The following UBE2R2 variants were observed in gnomAD, a reference collection of about 807,000 sequenced individuals.
UBE2R2 encodes the protein ubiquitin-conjugating enzyme E2 R2.
UBE2R2 carries 1 observed loss-of-function variant against 27.8 expected under a neutral mutation model. The observed-to-expected ratio is 0.04, with a 90% CI of 0.01 to 0.17. UBE2R2 has a LOEUF of 0.17. Ranked by LOEUF, UBE2R2 falls within the 10% of genes least tolerant of loss-of-function variation. UBE2R2 has a pLI of 1.00. For synonymous variants in UBE2R2, 106 were observed against 113.3 expected, an observed-to-expected ratio of 0.94 and a Z score of 0.41; for missense variants, 100 against 291.0, an observed-to-expected ratio of 0.34 and a Z score of 4.78.
intron 1 of UBE2R2, among the ~76,000 whole-genome samples, chr9:33,883,485 G>A (rs974280153): frequency 6.6e-6 from 1 of 152,114 alleles, no homozygotes; most frequent in Non-Finnish European, 1.5e-5. Flanking sequence ...GGAGGCCGAG[G>A]CAGGCAGATC....
intron 2 of UBE2R2, among the ~76,000 whole-genome samples, chr9:33,897,406 C>T (rs1007460922): frequency 6.7e-6 from 1 of 148,960 alleles, no homozygotes; most frequent in Non-Finnish European, 1.5e-5. Context: ...CAACCTCCGC[C>T]TCCCGGGTTC....
intron 2 of UBE2R2, among the ~76,000 whole-genome samples, chr9:33,891,540 G>T (rs4878551): frequency 6.6e-6 from 1 of 152,028 alleles, no homozygotes; most frequent in African/African-American, 2.4e-5. Flanking sequence ...CCAGTTGCTT[G>T]GGAGGCTGAG....
intron 1 of UBE2R2, among the ~76,000 whole-genome samples, chr9:33,836,920 G>A (rs935177082): frequency 6.6e-6 from 1 of 152,042 alleles, no homozygotes; most frequent in African/African-American, 2.4e-5. Context: ...TACTGTATTG[G>A]GTTCTTAGTT....
upstream of UBE2R2, among the ~76,000 whole-genome samples, chr9:33,815,482 C>T (rs112496873): frequency 3.9e-5 from 6 of 152,344 alleles, no homozygotes; most frequent in South Asian, 2.1e-4. Flanking sequence ...CAGTGGCTCA[C>T]GCCAGTAATC....
chr9:33,855,152 C>G (rs1280896240), intron 1 of UBE2R2, among the ~76,000 whole-genome samples: 1 of 152,092 alleles, frequency 6.6e-6, no homozygotes, highest in African/African-American at 2.4e-5. Flanking sequence ...GTTGTATCTT[C>G]TTGTTTTATT....
In UBE2R2 at chr9:33,912,208, C is replaced by G. The variant is rs909958338; in HGVS notation, c.497+110C>G. On this transcript the variant is annotated intron_variant, in intron 4 of 4. Coordinates refer to ENST00000263228, the MANE Select transcript of UBE2R2 (RefSeq NM_017811.4). Reference sequence around the variant, plus strand: ...CTGTCCATTCCAGGATAATTTTCCTCTATTAGATTTATAGTGTGGGAAGAG... The same window carrying G: ...CTGTCCATTCCAGGATAATTTTCCTGTATTAGATTTATAGTGTGGGAAGAG... 5 of 1,007,094 alleles carry G rather than the reference C, an allele frequency of 5.0e-6. No individual in the cohort carries two copies. In the Admixed American group the frequency reaches 8.2e-5, roughly 17 times the overall value. 62.4% of individuals were successfully genotyped at this position (1,007,094 alleles called of 1,614,324 possible). A position where few individuals can be genotyped will look rare whatever the true frequency, so the allele number is the denominator to read the frequency against.
intron 1 of UBE2R2, among the ~76,000 whole-genome samples, chr9:33,820,444 C>T (rs1475058588): frequency 6.6e-6 from 1 of 152,064 alleles, no homozygotes; most frequent in East Asian, 1.9e-4. Flanking sequence ...CTACTTTTTC[C>T]CTTATATGGC....
intron 1 of UBE2R2, among the ~76,000 whole-genome samples, chr9:33,831,512 G>A (rs897739487): frequency 5.9e-5 from 9 of 152,136 alleles, no homozygotes; most frequent in African/African-American, 2.2e-4. Flanking sequence ...CACCTCCCAA[G>A]TTCAAGCTGT....
intron 1 of UBE2R2, among the ~76,000 whole-genome samples, chr9:33,882,083 G>A (rs751260620): frequency 2.6e-5 from 4 of 152,030 alleles, no homozygotes; most frequent in South Asian, 2.1e-4. Flanking sequence ...TTGTAGCTTC[G>A]ATTATTCTAG....
intron 2 of UBE2R2, among the ~76,000 whole-genome samples, chr9:33,897,826 A>C: frequency 7.5e-6 from 1 of 133,892 alleles, no homozygotes; most frequent in African/African-American, 2.9e-5. Flanking sequence ...CCCAAGCTGG[A>C]GTGCAATGGC....
chr9:33,898,635 A>C (rs1008722827), intron 2 of UBE2R2, among the ~76,000 whole-genome samples: 1 of 152,186 alleles, frequency 6.6e-6, no homozygotes, highest in African/African-American at 2.4e-5. Context: ...CACACCCTAG[A>C]GTCCCAGCTA....
chr9:33,859,799 T>TGAGAGAGAGAGAGAGAGA (rs376101396), intron 1 of UBE2R2, among the ~76,000 whole-genome samples: 4 of 86,520 alleles, frequency 4.6e-5, no homozygotes, highest in African/African-American at 1.8e-4. Context: ...TGTGTGTGTG[T>TGAGAGAGAGAGAGAGAGA]GAGAGAGAGA....
At chr9:33,870,189 C>T (rs1021005077) in intron 1 of UBE2R2, among the ~76,000 whole-genome samples, 1 of 151,992 alleles carries the variant, frequency 6.6e-6, no homozygotes. Flanking sequence ...GTCACCTAGG[C>T]TGGAGTGCAG....
intron 1 of UBE2R2, among the ~76,000 whole-genome samples, chr9:33,880,412 G>A (rs1327779754): frequency 1.3e-5 from 2 of 152,088 alleles, no homozygotes; most frequent in Admixed American, 1.3e-4. Context: ...ATTTCCAAAT[G>A]TTTGGGGATT....
intron 2 of UBE2R2, among the ~76,000 whole-genome samples, chr9:33,887,178 ATAAAG>A (rs560020815): frequency 1.7e-4 from 26 of 152,334 alleles, no homozygotes; most frequent in Non-Finnish European, 3.4e-4. Flanking sequence ...AGGATAAAGG[ATAAAG>A]TAAAGGATTT....
At chr9:33,878,504 G>T (rs1219667580) in intron 1 of UBE2R2, among the ~76,000 whole-genome samples, 2 of 152,136 alleles carry the variant, frequency 1.3e-5, no homozygotes, top group Non-Finnish European at 2.9e-5. Flanking sequence ...TGTAGTCCCA[G>T]TTACTCTGGA....
chr9:33,882,788 A>T (rs1283627618), intron 1 of UBE2R2, among the ~76,000 whole-genome samples: 1 of 152,186 alleles, frequency 6.6e-6, no homozygotes, highest in African/African-American at 2.4e-5. Context: ...ACATTTTGTC[A>T]TCTGAAAAAG....
chr9:33,841,637 A>G (rs992055605), intron 1 of UBE2R2, among the ~76,000 whole-genome samples: 5 of 152,152 alleles, frequency 3.3e-5, no homozygotes, highest in African/African-American at 1.2e-4. Flanking sequence ...GGACAGAGTT[A>G]TGGGTGATAT....
intron 1 of UBE2R2, among the ~76,000 whole-genome samples, chr9:33,853,174 TA>T (rs1162704454): frequency 7.9e-5 from 12 of 151,010 alleles, no homozygotes; most frequent in African/African-American, 2.7e-4. Context: ...TAAGGCCTAC[TA>T]TCTGTACTTG....
Sources: allele counts gnomAD v4.1 joint callset (sites outside exome capture counted in the v4.1 genomes callset), GRCh38; gene constraint gnomAD v4.1.1; transcripts MANE v1.5; gene names NCBI Gene and HGNC (gene_info 2026-07-23, HGNC 2026-07-21).